ARHGAP6: variants seen among roughly 807,000 people sequenced by gnomAD.
ARHGAP6 encodes rho GTPase-activating protein 6.
Under a neutral mutation model 55.7 loss-of-function variants are expected in ARHGAP6, and 16 were observed. That is an observed-to-expected ratio of 0.29 (90% CI 0.19 to 0.44). The LOEUF (loss-of-function observed/expected upper bound fraction) is 0.44, where lower values mean the gene tolerates loss of function less well. Among genes scored for constraint, ARHGAP6 ranks in the 20% least tolerant of loss-of-function variants. ARHGAP6 has a pLI of 1.00. For missense variants in ARHGAP6, 698 were observed against 808.9 expected, an observed-to-expected ratio of 0.86 and a Z score of 1.66; for synonymous variants, 382 against 360.9, an observed-to-expected ratio of 1.06 and a Z score of -0.66.
intron 1 of ARHGAP6, among the ~76,000 whole-genome samples, chrX:11,496,649 T>G (rs2050625801): frequency 8.9e-6 from 1 of 112,423 alleles, no homozygotes; most frequent in South Asian, 3.7e-4. Flanking sequence ...TCTACATTTG[T>G]GTTATTGAAA....
At chrX:11,225,324 G>T (rs773673786) in intron 2 of ARHGAP6, among the ~76,000 whole-genome samples, 1 of 111,208 alleles carries the variant, frequency 9.0e-6, no homozygotes, top group Non-Finnish European at 1.9e-5. Context: ...TAGTAAAAAA[G>T]AATGTTTCTT....
At chrX:11,583,614 A>T (rs1452742526) in intron 1 of ARHGAP6, among the ~76,000 whole-genome samples, 2 of 112,383 alleles carry the variant, frequency 1.8e-5, no homozygotes, top group Non-Finnish European at 3.8e-5. Flanking sequence ...CTTAGCCAAT[A>T]AGTGTTTTTT....
intron 1 of ARHGAP6, among the ~76,000 whole-genome samples, chrX:11,453,516 A>T (rs1325799061): frequency 1.8e-5 from 2 of 108,846 alleles, no homozygotes; most frequent in African/African-American, 3.3e-5. Flanking sequence ...TGGTGATGGG[A>T]GAGGAAAGAA....
At chrX:11,281,294 C>T (rs868368547) in intron 1 of ARHGAP6, among the ~76,000 whole-genome samples, 1 of 111,063 alleles carries the variant, frequency 9.0e-6, no homozygotes, top group Non-Finnish European at 1.9e-5. Flanking sequence ...CAAGGGATCC[C>T]TGTGAGGTGC....
intron 1 of ARHGAP6, among the ~76,000 whole-genome samples, chrX:11,344,059 TA>T (rs2048739737): frequency 8.9e-6 from 1 of 111,899 alleles, no homozygotes; most frequent in African/African-American, 3.3e-5. Flanking sequence ...CTAATTTGAA[TA>T]ATCTAGCAAC....
chrX:11,298,827 C>T, intron 1 of ARHGAP6: 1 of 1,211,085 alleles, frequency 8.3e-7, no homozygotes, highest in South Asian at 1.8e-5. Flanking sequence ...GCCCATGCAG[C>T]CCCAGCCACC....
At chrX:11,510,288 TAAAGA>T (rs2050773264) in intron 1 of ARHGAP6, among the ~76,000 whole-genome samples, 1 of 111,501 alleles carries the variant, frequency 9.0e-6, no homozygotes, top group Admixed American at 9.6e-5. Flanking sequence ...TATTTTTCAA[TAAAGA>T]AAAGGGAAGG....
intron 2 of ARHGAP6, among the ~76,000 whole-genome samples, chrX:11,248,851 CAG>C (rs1305738214): frequency 8.9e-6 from 1 of 111,787 alleles, no homozygotes; most frequent in Non-Finnish European, 1.9e-5. Flanking sequence ...CTATAGAAAA[CAG>C]GGTGGAGAGT....
chrX:11,570,539 T>C (rs941606114), intron 1 of ARHGAP6, among the ~76,000 whole-genome samples: 2 of 110,451 alleles, frequency 1.8e-5, no homozygotes, highest in African/African-American at 6.6e-5. Flanking sequence ...AGTGTTATAA[T>C]TTCAATCTCT....
At chrX:11,592,851 G>A (rs1165973723) in intron 1 of ARHGAP6, among the ~76,000 whole-genome samples, 1 of 111,507 alleles carries the variant, frequency 9.0e-6, no homozygotes, top group Non-Finnish European at 1.9e-5. Flanking sequence ...TTTGGGAAAA[G>A]CAAGGTTTGA....
chrX:11,393,348 G>T (rs2049434210), intron 1 of ARHGAP6, among the ~76,000 whole-genome samples: 1 of 111,339 alleles, frequency 9.0e-6, no homozygotes, highest in Admixed American at 9.6e-5. Flanking sequence ...GAAAGCCATT[G>T]TAAGTAATAA....
intron 1 of ARHGAP6, among the ~76,000 whole-genome samples, chrX:11,474,316 C>T (rs1236613231): frequency 8.9e-6 from 1 of 112,104 alleles, no homozygotes; most frequent in Non-Finnish European, 1.9e-5. Context: ...TTTGGGTCCA[C>T]ATACCACCTT....
At chrX:11,229,430 A>C (rs2047097034) in intron 2 of ARHGAP6, among the ~76,000 whole-genome samples, 1 of 112,074 alleles carries the variant, frequency 8.9e-6, no homozygotes, top group African/African-American at 3.2e-5. Flanking sequence ...GATTCAAAGT[A>C]TTTTATTAAC....
intron 2 of ARHGAP6, among the ~76,000 whole-genome samples, chrX:11,241,499 A>T (rs917363976): frequency 9.3e-6 from 1 of 107,630 alleles, no homozygotes; most frequent in Non-Finnish European, 1.9e-5. Context: ...TTCAAGCCCA[A>T]ACTGGTCCCA....
chrX:11,657,413 G>A (rs1442927750), intron 1 of ARHGAP6, among the ~76,000 whole-genome samples: 2 of 108,773 alleles, frequency 1.8e-5, no homozygotes, highest in African/African-American at 6.7e-5. Context: ...ACACACTGCA[G>A]CGTTCGAAAA....
Position 11,326,102 on chromosome X carries a change from A to T in ARHGAP6, c.589-71395T>A, listed in dbSNP as rs1410124698. Among the ~76,000 whole-genome samples the T allele has an allele frequency of 9.6e-5, 10 of 103,835 alleles. No homozygotes were observed. In the Admixed American group the frequency reaches 1.1e-3, roughly 11 times the overall value. 90.2% of individuals were successfully genotyped at this position (103,835 alleles called of 115,157 possible). A position where few individuals can be genotyped will look rare whatever the true frequency, so the allele number is the denominator to read the frequency against. ...AGAGTATATAATGTTTTACCAAAGG[A>T]ATTTTTCTTTTTCTTTCTTTCTTTC... On this transcript the variant is annotated intron_variant, in intron 1 of 12. Transcript: ENST00000337414.
intron 2 of ARHGAP6, among the ~76,000 whole-genome samples, chrX:11,228,996 T>A (rs113069677): frequency 2.7e-5 from 3 of 112,474 alleles, no homozygotes; most frequent in African/African-American, 3.2e-5. Flanking sequence ...GTTATATACA[T>A]GGTCAGTTAA....
chrX:11,442,874 T>A (rs1254257540), intron 1 of ARHGAP6, among the ~76,000 whole-genome samples: 1 of 112,173 alleles, frequency 8.9e-6, no homozygotes, highest in Non-Finnish European at 1.9e-5. Flanking sequence ...GAGGGACATG[T>A]CATAGGCATC....
chrX:11,282,647 C>T (rs1245863530), intron 1 of ARHGAP6, among the ~76,000 whole-genome samples: 3 of 112,008 alleles, frequency 2.7e-5, no homozygotes, highest in African/African-American at 9.7e-5. Flanking sequence ...TTGATCGAAA[C>T]AGAATTTCTG....
Sources: gnomAD v4.1 joint callset for allele counts (sites outside exome capture counted in the v4.1 genomes callset) on GRCh38, gnomAD v4.1.1 for gene constraint, MANE v1.5 for transcripts, NCBI Gene and HGNC (gene_info 2026-07-23, HGNC 2026-07-21) for gene names.